DOK6: variants seen among roughly 807,000 people sequenced by gnomAD.
DOK6 encodes the protein downstream of tyrosine kinase 6.
DOK6 carries 22 observed loss-of-function variants against 44.0 expected under a neutral mutation model. That is an observed-to-expected ratio of 0.50 (90% CI 0.36 to 0.71). DOK6 has a LOEUF of 0.71. Ranked by LOEUF, DOK6 falls within the 30% of genes least tolerant of loss-of-function variation. The pLI is 0.00. For missense variants in DOK6, 340 were observed against 416.4 expected (o/e 0.82, Z 1.60); for synonymous variants, 166 against 145.5 (o/e 1.14, Z -1.01).
chr18:69,582,163 C>T (rs1049939925), intron 2 of DOK6, among the ~76,000 whole-genome samples: 39 of 152,232 alleles, frequency 2.6e-4, no homozygotes, highest in Admixed American at 8.5e-4. Context: ...CTTTGTAATG[C>T]CTGAAGCAGC....
Position 69,514,383 on chromosome 18 carries a change from A to G in DOK6, c.67-50104A>G, listed in dbSNP as rs115313094. The stretch of plus-strand genomic sequence containing the variant: ...GCCTGACGTACTATATCGATTTTCA[A>G]ATCTCCTCTTTGTGCCAAATTTCCA... On this transcript the variant is annotated intron_variant, in intron 1 of 7. Transcript: ENST00000382713. 5.9e-3 allele frequency among the ~76,000 whole-genome samples: 904 copies of G among 152,300 alleles called. 10 individuals are homozygous for G. Among genetic ancestry groups the G allele is most frequent in the African/African-American group, 0.021 (864 of 41,584 alleles).
intron 1 of DOK6, among the ~76,000 whole-genome samples, chr18:69,460,500 CTGTT>C (rs1400156136): frequency 2.0e-5 from 3 of 152,100 alleles, no homozygotes; most frequent in African/African-American, 7.2e-5. Flanking sequence ...TTATGTAAAA[CTGTT>C]AGATGAACTC....
intron 1 of DOK6, among the ~76,000 whole-genome samples, chr18:69,454,848 GA>G (rs945633461): frequency 7.0e-6 from 1 of 143,868 alleles, no homozygotes; most frequent in African/African-American, 2.6e-5. Context: ...TCATAGGTGG[GA>G]ATTGAACAAT....
chr18:69,516,013 A>T (rs1981511725), intron 1 of DOK6, among the ~76,000 whole-genome samples: 1 of 152,186 alleles, frequency 6.6e-6, no homozygotes, highest in East Asian at 1.9e-4. Context: ...ATCAGTTCTT[A>T]ATTTTCTGTA....
intron 2 of DOK6, among the ~76,000 whole-genome samples, chr18:69,571,243 G>A (rs577329859): frequency 1.3e-5 from 2 of 151,916 alleles, no homozygotes; most frequent in Admixed American, 6.6e-5. Context: ...ATAAAAATAT[G>A]TAGCTCAAAA....
intron 1 of DOK6, among the ~76,000 whole-genome samples, chr18:69,542,211 A>AGG (rs1982287404): frequency 6.6e-6 from 1 of 151,468 alleles, no homozygotes; most frequent in African/African-American, 2.4e-5. Flanking sequence ...TAAATAGGAA[A>AGG]CCAACTTAGC....
At chr18:69,503,784 C>A (rs1242451870) in intron 1 of DOK6, among the ~76,000 whole-genome samples, 1 of 151,796 alleles carries the variant, frequency 6.6e-6, no homozygotes, top group Non-Finnish European at 1.5e-5. Flanking sequence ...ACATATGTGT[C>A]ATTTTATATT....
At chr18:69,589,543 GATAA>G (rs1983578870) in intron 2 of DOK6, among the ~76,000 whole-genome samples, 1 of 152,056 alleles carries the variant, frequency 6.6e-6, no homozygotes, top group Non-Finnish European at 1.5e-5. Context: ...TTAATGGTCA[GATAA>G]TCTAATCTCA....
rs915466399 is a variant in DOK6 at position 69,844,003 on chromosome 18, ATCT to A, written c.*2624_*2626del. On this transcript the variant is annotated 3_prime_UTR_variant, in exon 8 of 8. Coordinates refer to ENST00000382713, the MANE Select transcript of DOK6 (RefSeq NM_152721.6). Reference sequence around the variant, plus strand: ...TGTAATAAAAACGGCAAACAGATAAATCTTCTACCAAAACCAAAGATGGAAAGT... The same window carrying A: ...TGTAATAAAAACGGCAAACAGATAAATCTACCAAAACCAAAGATGGAAAGT... 3.3e-5 allele frequency: 5 copies of A among 152,168 alleles called. No homozygotes were observed. Among genetic ancestry groups the A allele is most frequent in the African/African-American group, 1.2e-4 (5 of 41,436 alleles). 9.4% of individuals were successfully genotyped at this position (152,168 alleles called of 1,614,324 possible).
At chr18:69,733,529 A>T (rs1978489174) in intron 5 of DOK6, among the ~76,000 whole-genome samples, 1 of 152,200 alleles carries the variant, frequency 6.6e-6, no homozygotes, top group African/African-American at 2.4e-5. Flanking sequence ...ATCATTTTCC[A>T]TGCTGAGAAC....
chr18:69,752,053 CAAG>C (rs1280661274), intron 6 of DOK6, among the ~76,000 whole-genome samples: 13 of 151,608 alleles, frequency 8.6e-5, no homozygotes, highest in African/African-American at 2.9e-4. Context: ...AAAAATAGAT[CAAG>C]AAGATAACCT....
intron 1 of DOK6, among the ~76,000 whole-genome samples, chr18:69,467,936 T>C (rs1979975232): frequency 6.6e-6 from 1 of 152,194 alleles, no homozygotes; most frequent in Non-Finnish European, 1.5e-5. Flanking sequence ...GTATTGTAAA[T>C]AATAGCATGG....
chr18:69,596,074 T>C (rs559390386), intron 2 of DOK6, among the ~76,000 whole-genome samples: 5 of 152,258 alleles, frequency 3.3e-5, no homozygotes, highest in Admixed American at 3.3e-4. Flanking sequence ...AAATGATAGG[T>C]ATATGAGAGA....
Position 69,628,752 on chromosome 18 carries a change from G to A in DOK6, c.289+29254G>A, listed in dbSNP as rs373688099. ...ATCTCTAAACTGGAGTTCTGAAGAGGCATCTAGAAACAATTGTTACATTTG... is the reference window on the plus strand; with the variant it reads ...ATCTCTAAACTGGAGTTCTGAAGAGACATCTAGAAACAATTGTTACATTTG... On this transcript the variant is annotated intron_variant, in intron 3 of 7. Transcript: ENST00000382713. Among the ~76,000 whole-genome samples, 101 of 152,228 alleles carry A rather than the reference G, an allele frequency of 6.6e-4. No homozygotes were observed. The South Asian group carries it at 9.1e-3, about 14-fold the overall frequency.
intron 1 of DOK6, among the ~76,000 whole-genome samples, chr18:69,549,992 A>G (rs1451656430): frequency 2.0e-5 from 3 of 150,950 alleles, no homozygotes; most frequent in Non-Finnish European, 3.0e-5. Flanking sequence ...TACTTCCTAC[A>G]TGCCAAGATA....
At chr18:69,481,848 A>G (rs1192886040) in intron 1 of DOK6, among the ~76,000 whole-genome samples, 2 of 152,144 alleles carry the variant, frequency 1.3e-5, no homozygotes, top group South Asian at 2.1e-4. Context: ...AACAGAGTAA[A>G]AGTGTTCCTA....
intron 7 of DOK6, among the ~76,000 whole-genome samples, chr18:69,794,142 G>A (rs1980677492): frequency 6.6e-6 from 1 of 152,070 alleles, no homozygotes. Flanking sequence ...GTGTCTTATG[G>A]TGGTCATCAC....
intron 2 of DOK6, among the ~76,000 whole-genome samples, chr18:69,581,559 T>G (rs1983370488): frequency 6.6e-6 from 1 of 152,216 alleles, no homozygotes; most frequent in Non-Finnish European, 1.5e-5. Context: ...CCTCATGGAC[T>G]GTAGGAAGTA....
chr18:69,820,029 G>T (rs981386256), intron 7 of DOK6, among the ~76,000 whole-genome samples: 1 of 152,198 alleles, frequency 6.6e-6, no homozygotes, highest in Non-Finnish European at 1.5e-5. Flanking sequence ...CTGCAGGTTA[G>T]ACAGGCTTGT....
Sources: allele counts gnomAD v4.1 joint callset (sites outside exome capture counted in the v4.1 genomes callset), GRCh38; gene constraint gnomAD v4.1.1; transcripts MANE v1.5; gene names NCBI Gene and HGNC (gene_info 2026-07-23, HGNC 2026-07-21).